The following PITPNC1 variants were observed in gnomAD, a reference collection of about 807,000 sequenced individuals.
The protein encoded by PITPNC1 is cytoplasmic phosphatidylinositol transfer protein 1.
In PITPNC1, 18 loss-of-function variants were observed where a neutral mutation model predicts 44.7. The observed-to-expected ratio is 0.40, with a 90% confidence interval of 0.28 to 0.60. The LOEUF (loss-of-function observed/expected upper bound fraction) is 0.60. Ranked by LOEUF, PITPNC1 falls within the 20% of genes least tolerant of loss-of-function variation. PITPNC1 has a pLI of 0.39. For missense variants in PITPNC1, 290 were observed against 418.4 expected (o/e 0.69, Z 2.68); for synonymous variants, 141 against 149.6 (o/e 0.94, Z 0.42).
At chr17:67,504,537 C>T (rs2040075798) in intron 1 of PITPNC1, among the ~76,000 whole-genome samples, 1 of 152,168 alleles carries the variant, frequency 6.6e-6, no homozygotes, top group Non-Finnish European at 1.5e-5. Context: ...TCTCTAGAAC[C>T]CGTACCTTCC....
At chr17:67,668,056 T>C (rs2042451071) in intron 6 of PITPNC1, among the ~76,000 whole-genome samples, 1 of 152,144 alleles carries the variant, frequency 6.6e-6, no homozygotes, top group Admixed American at 6.6e-5. Flanking sequence ...AAATCTTAAG[T>C]GTAAAACTCA....
chr17:67,418,913 G>A (rs994849677), intron 1 of PITPNC1, among the ~76,000 whole-genome samples: 6 of 152,128 alleles, frequency 3.9e-5, no homozygotes, highest in African/African-American at 1.4e-4. Context: ...TGATGAAAAT[G>A]AATGCGCTTG....
chr17:67,420,586 C>T (rs2143864790), intron 1 of PITPNC1, among the ~76,000 whole-genome samples: 1 of 152,154 alleles, frequency 6.6e-6, no homozygotes, highest in South Asian at 2.1e-4. Flanking sequence ...CATCCACCAC[C>T]ACGCCTGGCT....
At chr17:67,533,708 C>T (rs2040493193) in intron 2 of PITPNC1, among the ~76,000 whole-genome samples, 1 of 152,122 alleles carries the variant, frequency 6.6e-6, no homozygotes, top group Non-Finnish European at 1.5e-5. Context: ...TCACCTGTGA[C>T]CAAAGTGGTT....
chr17:67,676,034 G>A lies in PITPNC1; in HGVS notation c.682+492G>A, dbSNP rs1353110505. Among the ~76,000 whole-genome samples, 2 of 152,002 alleles carry A rather than the reference G, an allele frequency of 1.3e-5. No homozygotes were observed. Among genetic ancestry groups the A allele is most frequent in the South Asian group, 2.1e-4 (1 of 4,828 alleles). ...ATCCTGGCTAACACGGTGAAACCCC[G>A]TCTCTACTAAATAATACAAAAAATT... On this transcript the variant is annotated intron_variant, in intron 8 of 8. Coordinates refer to ENST00000581322, the MANE Select transcript of PITPNC1 (RefSeq NM_012417.4). The surrounding 1 kb of genome is among the most constrained non-coding windows in gnomAD (Gnocchi z 4.0).
At chr17:67,479,322 G>T (rs1385773012) in intron 1 of PITPNC1, among the ~76,000 whole-genome samples, 1 of 152,190 alleles carries the variant, frequency 6.6e-6, no homozygotes, top group Non-Finnish European at 1.5e-5. Flanking sequence ...TGATTAGCCA[G>T]CAGCTGCCCA....
At chr17:67,568,518 ATTTAT>A (rs966622094) in intron 4 of PITPNC1, among the ~76,000 whole-genome samples, 5 of 152,148 alleles carry the variant, frequency 3.3e-5, no homozygotes, top group African/African-American at 1.2e-4. Flanking sequence ...GCTATTTTTT[ATTTAT>A]TTTATTTTAT....
intron 1 of PITPNC1, among the ~76,000 whole-genome samples, chr17:67,395,160 C>G (rs1173058480): frequency 6.6e-6 from 1 of 151,122 alleles, no homozygotes; most frequent in East Asian, 1.9e-4. Context: ...CTTATCTGGA[C>G]AGGTTTTTTC....
At chr17:67,660,307 T>A (rs953348179) in intron 6 of PITPNC1, among the ~76,000 whole-genome samples, 6 of 152,130 alleles carry the variant, frequency 3.9e-5, no homozygotes, top group African/African-American at 1.2e-4. Context: ...ACTAGTCCCA[T>A]GGCCTCAAGC....
intron 2 of PITPNC1, among the ~76,000 whole-genome samples, chr17:67,551,506 G>A (rs971490890): frequency 6.6e-6 from 1 of 152,098 alleles, no homozygotes; most frequent in Non-Finnish European, 1.5e-5. Context: ...TCATTTCCAT[G>A]TCTGCCTCTG....
chr17:67,516,046 C>A (rs540207644), intron 1 of PITPNC1, among the ~76,000 whole-genome samples: 1 of 152,162 alleles, frequency 6.6e-6, no homozygotes, highest in Non-Finnish European at 1.5e-5. Context: ...GATTGAGGAT[C>A]TCAGGCTCTT....
intron 6 of PITPNC1, among the ~76,000 whole-genome samples, chr17:67,665,639 A>G (rs1436852006): frequency 1.3e-5 from 2 of 152,180 alleles, no homozygotes; most frequent in African/African-American, 4.8e-5. Flanking sequence ...GTATTTACCA[A>G]ATTTTGGCTA....
chr17:67,586,823 G>C (rs561223162), intron 5 of PITPNC1, among the ~76,000 whole-genome samples: 1 of 152,170 alleles, frequency 6.6e-6, no homozygotes, highest in Non-Finnish European at 1.5e-5. Flanking sequence ...TGCTCTGGCT[G>C]TTCTGTGGAG....
chr17:67,613,589 G>T (rs1172690305), intron 5 of PITPNC1: 3 of 152,206 alleles, frequency 2.0e-5, no homozygotes. Context: ...GGAGGCCAAA[G>T]TGGGCAGATT....
At chr17:67,463,277 AG>A (rs755607578) in intron 1 of PITPNC1, among the ~76,000 whole-genome samples, 12 of 152,294 alleles carry the variant, frequency 7.9e-5, no homozygotes, top group South Asian at 6.2e-4. Context: ...ATTGGTGGGT[AG>A]GGGGGATTGA....
intron 5 of PITPNC1, among the ~76,000 whole-genome samples, chr17:67,598,457 C>T (rs2041488913): frequency 1.3e-5 from 2 of 152,164 alleles, no homozygotes; most frequent in African/African-American, 4.8e-5. Context: ...TGTTAAAATC[C>T]TAATCACCGC....
At position 67,511,972 on chromosome 17, in the gene PITPNC1, C is replaced by T. The variant is rs2040189735; in HGVS notation, c.49-20830C>T. On this transcript the variant is annotated intron_variant, in intron 1 of 8. Transcript: ENST00000581322. ...TTAATTGGCCATTTGTATTTCTTCT[C>T]TAAATTTCTGCCTGGTCTCCTGCTG... Among the ~76,000 whole-genome samples, 3 of 152,194 alleles carry T rather than the reference C, an allele frequency of 2.0e-5. No individual in the cohort carries two copies. In the South Asian group the frequency reaches 6.2e-4, roughly 31 times the overall value.
At chr17:67,471,472 T>C in intron 1 of PITPNC1, 1 of 354,388 alleles carries the variant, frequency 2.8e-6, no homozygotes, top group South Asian at 2.0e-5. Flanking sequence ...GAGATTTTTT[T>C]CCTTTTAAAC....
At chr17:67,381,734 G>A (rs1403344997) in intron 1 of PITPNC1, among the ~76,000 whole-genome samples, 1 of 152,192 alleles carries the variant, frequency 6.6e-6, no homozygotes, top group African/African-American at 2.4e-5. Flanking sequence ...CCAAAGGCGT[G>A]AGCCACCGCG....
Sources: gnomAD v4.1 joint callset for allele counts (sites outside exome capture counted in the v4.1 genomes callset) on GRCh38, gnomAD v4.1.1 for gene constraint, Gnocchi (gnomAD v3.1) non-coding constraint, MANE v1.5 for transcripts, NCBI Gene and HGNC (gene_info 2026-07-23, HGNC 2026-07-21) for gene names.